Variants in GIT2 observed in about 807,000 individuals in gnomAD.
GIT2 encodes ARF GTPase-activating protein GIT2.
In GIT2, 32 loss-of-function variants were observed where a neutral mutation model predicts 100.3. The observed-to-expected ratio is 0.32, with a 90% CI of 0.24 to 0.43. The LOEUF (loss-of-function observed/expected upper bound fraction) is 0.43. GIT2 is among the 20% of genes least tolerant of loss of function. The pLI is 1.00. For synonymous variants in GIT2, 353 were observed against 364.1 expected, an observed-to-expected ratio of 0.97 and a Z score of 0.35; for missense variants, 737 against 975.1, an observed-to-expected ratio of 0.76 and a Z score of 3.25.
At chr12:109,939,290 ACT>A (rs767790524) in intron 16 of GIT2, 43 bp from the exon 17 acceptor site, 1 of 1,111,460 alleles carries the variant, frequency 9.0e-7, no homozygotes, top group Non-Finnish European at 1.4e-6. Flanking sequence ...GTAACATGAG[ACT>A]CTTCTCAGGA....
rs574249052 is a variant in GIT2, at chr12:109,986,766, A to AAAAC, written c.405+2193_405+2196dup. Among the ~76,000 whole-genome samples, 379 of 151,428 alleles carry AAAAC rather than the reference A, an allele frequency of 2.5e-3. 5 individuals are homozygous for AAAAC. The East Asian group carries it at 0.03, about 12-fold the overall frequency. The stretch of plus-strand genomic sequence containing the variant: ...GGCCACAGAGCAAGACTCCGTCTCA[A>AAAAC]AAACAAACAAACAAACAAACAAACA... On this transcript the variant is annotated intron_variant, in intron 4 of 19. Coordinates refer to ENST00000355312, the MANE Select transcript of GIT2 (RefSeq NM_057169.5).
At chr12:109,986,278 G>T (rs1887362842) in intron 4 of GIT2, among the ~76,000 whole-genome samples, 1 of 152,120 alleles carries the variant, frequency 6.6e-6, no homozygotes, top group African/African-American at 2.4e-5. Context: ...GATGAACACA[G>T]ATTTTTTAAA....
Position 109,930,592 on chromosome 12 carries a change from A to G in GIT2, c.*2386T>C, listed in dbSNP as rs16940693. 11,765 of 152,264 alleles carry G rather than the reference A, an allele frequency of 0.077. 1,233 individuals carry two copies. Among genetic ancestry groups the G allele is most frequent in the African/African-American group, 0.25 (10,198 of 41,506 alleles). The allele number at this position is 152,264 out of a possible 1,614,324, so 9.4% of individuals were successfully genotyped here. The stretch of plus-strand genomic sequence containing the variant: ...AGCCCTCCAATGGCCACGTCATTCC[A>G]CCGGGGAACTTGTTTGGAGTTTTGG... On this transcript the variant is annotated 3_prime_UTR_variant, in exon 20 of 20. Transcript: ENST00000355312.
At position 109,972,342 on chromosome 12, in the gene GIT2, C is replaced by T. The variant is rs77546244; in HGVS notation, c.719-4839G>A. On this transcript the variant is annotated intron_variant, in intron 7 of 19. Transcript: ENST00000355312. ...TCAGATCAAGGAAGTCTCATCTATTCCTAGTTTGCTAAGAGTTTTTTTAAA... is the reference window on the plus strand; with the variant it reads ...TCAGATCAAGGAAGTCTCATCTATTTCTAGTTTGCTAAGAGTTTTTTTAAA... Among the ~76,000 whole-genome samples, 1,047 of 152,196 alleles carry T rather than the reference C, an allele frequency of 6.9e-3. 1 individual carries two copies. Among genetic ancestry groups the T allele is most frequent in the Non-Finnish European group, 9.4e-3 (642 of 68,022 alleles).
In GIT2 at chr12:109,933,056, C is replaced by G. The variant is rs1871933976; in HGVS notation, c.2202G>C (p.Gln734His). The G allele has an allele frequency of 1.2e-6, 2 of 1,613,582 alleles. No individual in the cohort carries two copies. The highest frequency in any genetic ancestry group is 1.7e-6 in the Non-Finnish European group (2 of 1,179,484). ...SPTDVQLVTQQVIQCAYDIAK... is the reference protein window; with the variant it reads ...SPTDVQLVTQHVIQCAYDIAK... ...CGATGTCGTACGCACACTGGATGACCTGCTGCGTGACCAGCTGAACGTCTG... is the reference window on the plus strand; with the variant it reads ...CGATGTCGTACGCACACTGGATGACGTGCTGCGTGACCAGCTGAACGTCTG... Residue 734 changes from glutamine (Q) to histidine (H), a missense_variant, in exon 20 of 20, where the codon CAG becomes CAC. Physicochemically the swap from Gln to His is conservative, Grantham distance 24. Coordinates refer to ENST00000355312, the MANE Select transcript of GIT2 (RefSeq NM_057169.5). The surrounding 1 kb of genome is among the most constrained non-coding windows in gnomAD (Gnocchi z 4.5).
chr12:109,999,782 C>G (rs757655686), upstream of GIT2: 17 of 1,532,550 alleles, frequency 1.1e-5, no homozygotes, highest in Non-Finnish European at 1.4e-5. The surrounding 1 kb of genome is among the most constrained non-coding windows in gnomAD (Gnocchi z 4.3). Context: ...GCTGCAGGGC[C>G]AGGTGAGGGG....
intron 7 of GIT2, among the ~76,000 whole-genome samples, chr12:109,967,923 C>G (rs1458528014): frequency 2.0e-5 from 3 of 152,240 alleles, no homozygotes; most frequent in South Asian, 2.1e-4. Context: ...GGACAGGTGG[C>G]CTTTGCAGAT....
chr12:109,942,015 A>C (rs574158841), intron 16 of GIT2, among the ~76,000 whole-genome samples: 1 of 151,796 alleles, frequency 6.6e-6, no homozygotes, highest in Admixed American at 6.6e-5. Flanking sequence ...TGTGGAGACA[A>C]GGTCTCACTA....
intron 14 of GIT2, chr12:109,950,724 A>C (rs1347469660): frequency 6.4e-6 from 1 of 157,266 alleles, no homozygotes; most frequent in Non-Finnish European, 1.4e-5. Context: ...AGTAGTAAAA[A>C]CTGGTGAGCA....
At chr12:109,989,362 G>C (rs1887977691) in intron 3 of GIT2, among the ~76,000 whole-genome samples, 1 of 152,184 alleles carries the variant, frequency 6.6e-6, no homozygotes, top group Non-Finnish European at 1.5e-5. Flanking sequence ...CATCTTATAA[G>C]TGAGGCAACA....
intron 13 of GIT2, 102 bp downstream of exon 13, chr12:109,952,990 C>T: frequency 8.7e-7 from 1 of 1,150,262 alleles, no homozygotes; most frequent in Non-Finnish European, 1.3e-6. Context: ...CTTTGCTTGG[C>T]CTGAGCTAGT....
chr12:109,944,725 T>C (rs1875790785), intron 16 of GIT2, among the ~76,000 whole-genome samples: 1 of 151,762 alleles, frequency 6.6e-6, no homozygotes, highest in South Asian at 2.1e-4. Context: ...CTTGCATAGC[T>C]CCAATGCCAC....
intron 11 of GIT2, among the ~76,000 whole-genome samples, chr12:109,960,529 T>C (rs1223172529): frequency 6.6e-6 from 1 of 151,924 alleles, no homozygotes; most frequent in Non-Finnish European, 1.5e-5. Flanking sequence ...TGCAGTGAGC[T>C]GAGATGGTGC....
intron 14 of GIT2, among the ~76,000 whole-genome samples, chr12:109,949,198 C>T (rs888172249): frequency 6.6e-6 from 1 of 152,244 alleles, no homozygotes; most frequent in Admixed American, 6.5e-5. Flanking sequence ...TTCCAGGATA[C>T]AGACAGGCAT....
rs910356576 is a variant in GIT2 at position 109,967,810 on chromosome 12, T to G, written c.719-307A>C. Among the ~76,000 whole-genome samples, 5 of 152,206 alleles carry G rather than the reference T, an allele frequency of 3.3e-5. No individual in the cohort carries two copies. In the South Asian group the frequency reaches 1.0e-3, roughly 31 times the overall value. On this transcript the variant is annotated intron_variant, in intron 7 of 19. Coordinates refer to ENST00000355312, the MANE Select transcript of GIT2 (RefSeq NM_057169.5). ...GCCATGGAAAGTGTGCTGAGGGAGC[T>G]GAATCAGCTCACAGCAGGTGTCCAT... is the stretch of plus-strand genomic sequence containing the variant.
chr12:109,942,608 A>T (rs1875117638), intron 16 of GIT2, among the ~76,000 whole-genome samples: 1 of 152,252 alleles, frequency 6.6e-6, no homozygotes, highest in Admixed American at 6.5e-5. Flanking sequence ...TGCTAGGATT[A>T]GAGGCGTGAG....
At chr12:109,950,027 T>C (rs1384455023) in intron 14 of GIT2, among the ~76,000 whole-genome samples, 1 of 152,230 alleles carries the variant, frequency 6.6e-6, no homozygotes, top group Non-Finnish European at 1.5e-5. Context: ...CGTTTAAGGC[T>C]AGCTGATCTT....
chr12:109,934,712 T>C lies in GIT2; in HGVS notation c.2004-627A>G, dbSNP rs1872505945. Among the ~76,000 whole-genome samples the C allele has an allele frequency of 6.6e-6, 1 of 152,182 alleles. No individual in the cohort carries two copies. The highest frequency in any genetic ancestry group is 6.5e-5 in the Admixed American group (1 of 15,274). ...CATTTTTTAAACCATGAAGTTGGCT[T>C]CTGAATAGATTGTCATAAGCAACTT... On this transcript the variant is annotated intron_variant, in intron 18 of 19. Coordinates refer to ENST00000355312, the MANE Select transcript of GIT2 (RefSeq NM_057169.5). The surrounding 1 kb of genome is among the most constrained non-coding windows in gnomAD (Gnocchi z 4.5).
rs369131328 is a variant in GIT2, at chr12:109,940,917, G to GA, written c.1732-1671dup. ...AAACAAAACAAAACAAAACCAAAAA[G>GA]AAAAAAAAAAAAAAACCCCACAAAA... On this transcript the variant is annotated intron_variant, in intron 16 of 19. Transcript: ENST00000355312. 6.5e-3 allele frequency among the ~76,000 whole-genome samples: 733 copies of GA among 112,786 alleles called. 2 individuals carry two copies. The highest frequency in any genetic ancestry group is 0.018 in the Middle Eastern group (4 of 226). 74.0% of individuals were successfully genotyped at this position (112,786 alleles called of 152,430 possible).
Sources: allele counts gnomAD v4.1 joint callset (sites outside exome capture counted in the v4.1 genomes callset), GRCh38; gene constraint gnomAD v4.1.1; non-coding constraint Gnocchi (gnomAD v3.1); transcripts MANE v1.5; gene names NCBI Gene and HGNC (gene_info 2026-07-23, HGNC 2026-07-21).